Variants in NALF1 observed in about 807,000 individuals in gnomAD.
The protein encoded by NALF1 is family with sequence similarity 155 member A.
In NALF1, 3 loss-of-function variants were observed where a neutral mutation model predicts 48.4. The ratio of observed to expected loss-of-function variants is 0.06; its 90% CI spans 0.03 to 0.16. The LOEUF (loss-of-function observed/expected upper bound fraction) is 0.16, where lower values mean the gene tolerates loss of function less well. Ranked by LOEUF, NALF1 falls within the 10% of genes least tolerant of loss-of-function variation. The probability of loss-of-function intolerance (pLI) is 1.00; values close to 1 mark genes in which losing one functional copy is unlikely to be tolerated. For missense variants in NALF1, 526 were observed against 571.5 expected (o/e 0.92, Z 0.81); for synonymous variants, 262 against 245.7 (o/e 1.07, Z -0.62).
chr13:107,780,075 G>C (rs893573712), intron 1 of NALF1, among the ~76,000 whole-genome samples: 1 of 146,754 alleles, frequency 6.8e-6, no homozygotes, highest in Non-Finnish European at 1.5e-5. Flanking sequence ...TTGCTACTGC[G>C]GTTTTGTTGT....
intron 1 of NALF1, among the ~76,000 whole-genome samples, chr13:107,416,620 CAT>C (rs145622447): frequency 0.022 from 3,274 of 152,214 alleles, 113 homozygotes; most frequent in African/African-American, 0.074. Flanking sequence ...ACACACAAAA[CAT>C]GTGTTAATGG....
Position 107,867,327 on chromosome 13 carries a change from C to T in NALF1, c.-731G>A. 7.6e-6 allele frequency among the ~76,000 whole-genome samples: 1 copy of T among 132,024 alleles called. No homozygotes were observed. The highest frequency in any genetic ancestry group is 1.7e-5 in the Non-Finnish European group (1 of 60,238). The allele number at this position is 132,024 out of a possible 152,430, so 86.6% of individuals were successfully genotyped here. On this transcript the variant is annotated 5_prime_UTR_variant, in exon 1 of 3. Coordinates refer to ENST00000375915, the MANE Select transcript of NALF1 (RefSeq NM_001080396.3). The surrounding 1 kb of genome is among the most constrained non-coding windows in gnomAD (Gnocchi z 4.4). The stretch of plus-strand genomic sequence containing the variant: ...GCTGCCGCCGCCGCCGCCGCCGCCG[C>T]CGCTGCCGCAGGGCCGCCCGCGGGC...
At chr13:107,494,678 T>C (rs940467831) in intron 1 of NALF1, among the ~76,000 whole-genome samples, 1 of 152,210 alleles carries the variant, frequency 6.6e-6, no homozygotes, top group African/African-American at 2.4e-5. Flanking sequence ...ATCAAGGTGT[T>C]ATTAGTTTAA....
At chr13:107,251,564 G>T (rs376064398) in intron 1 of NALF1, among the ~76,000 whole-genome samples, 2 of 152,186 alleles carry the variant, frequency 1.3e-5, no homozygotes, top group African/African-American at 4.8e-5. Flanking sequence ...CTCGGAGACG[G>T]GTGGCAAGGA....
intron 1 of NALF1, among the ~76,000 whole-genome samples, chr13:107,695,301 T>C (rs1242508643): frequency 3.3e-5 from 5 of 152,230 alleles, no homozygotes; most frequent in Non-Finnish European, 7.3e-5. Flanking sequence ...ACAGTGATCA[T>C]TACTTTAGAT....
chr13:107,244,307 AC>A (rs1169095996), intron 1 of NALF1, among the ~76,000 whole-genome samples: 1 of 152,234 alleles, frequency 6.6e-6, no homozygotes. Flanking sequence ...TCAAAGAGGC[AC>A]ACCATTGATA....
In NALF1 at chr13:107,496,738, AAAAT is replaced by A. The variant is rs879322732; in HGVS notation, c.916-285987_916-285984del. Among the ~76,000 whole-genome samples the A allele has an allele frequency of 3.1e-3, 466 of 152,316 alleles. 3 individuals carry two copies. The highest frequency in any genetic ancestry group is 5.1e-3 in the Non-Finnish European group (344 of 68,018). On this transcript the variant is annotated intron_variant, in intron 1 of 2. Transcript: ENST00000375915. ...AGTTCCACATGGCTGGGGAAGCCTC[AAAAT>A]CATGGTGGAAGGCAAGGAGGAGCAA...
chr13:107,846,008 T>C (rs114261890), intron 1 of NALF1, among the ~76,000 whole-genome samples: 3,440 of 152,130 alleles, frequency 0.023, 78 homozygotes, highest in African/African-American at 0.058. Context: ...GTACCAATCA[T>C]AAGCAAAGCC....
intron 1 of NALF1, among the ~76,000 whole-genome samples, chr13:107,466,990 G>A (rs1183179266): frequency 6.6e-6 from 1 of 152,076 alleles, no homozygotes; most frequent in East Asian, 1.9e-4. Flanking sequence ...TTTCATTTAT[G>A]TATGTCCATT....
intron 1 of NALF1, among the ~76,000 whole-genome samples, chr13:107,283,730 G>A (rs1193222370): frequency 6.6e-6 from 1 of 151,774 alleles, no homozygotes; most frequent in Non-Finnish European, 1.5e-5. Context: ...CGCAAACTCG[G>A]TTCATTGCAA....
rs143318518 is a variant in NALF1 at position 107,190,866 on chromosome 13, T to C, written c.1087+19718A>G. 9.6e-3 allele frequency among the ~76,000 whole-genome samples: 1,469 copies of C among 152,302 alleles called. 19 individuals carry two copies. Among genetic ancestry groups the C allele is most frequent in the African/African-American group, 0.034 (1,403 of 41,562 alleles). On this transcript the variant is annotated intron_variant, in intron 2 of 2. Coordinates refer to ENST00000375915, the MANE Select transcript of NALF1 (RefSeq NM_001080396.3). ...CGAAAGCATTGGAAACAGGGACATC[T>C]CTGAGAGCAGAAAGGTAGAGTTTGG...
intron 1 of NALF1, among the ~76,000 whole-genome samples, chr13:107,296,946 A>C (rs1881738390): frequency 6.6e-6 from 1 of 152,148 alleles, no homozygotes; most frequent in Non-Finnish European, 1.5e-5. Context: ...AGCACAAGGT[A>C]TTCAGAAAAA....
intron 1 of NALF1, among the ~76,000 whole-genome samples, chr13:107,595,741 G>T (rs1202328959): frequency 6.6e-6 from 1 of 152,128 alleles, no homozygotes; most frequent in Non-Finnish European, 1.5e-5. Context: ...ATGGAAAAGT[G>T]AAAACTCAGA....
chr13:107,443,144 T>G lies in NALF1; in HGVS notation c.916-232389A>C, dbSNP rs563893856. On this transcript the variant is annotated intron_variant, in intron 1 of 2. Transcript: ENST00000375915. ...CAATAGTATCAGAAACATTACAACATAAATTTATTATTTATTTATCTAACA... is the reference window on the plus strand; with the variant it reads ...CAATAGTATCAGAAACATTACAACAGAAATTTATTATTTATTTATCTAACA... Among the ~76,000 whole-genome samples the G allele has an allele frequency of 2.6e-5, 4 of 151,862 alleles. No homozygotes were observed. The East Asian group carries it at 7.7e-4, about 29-fold the overall frequency.
rs143462588 is a variant in NALF1, at chr13:107,480,581, G to A, written c.916-269826C>T. ...TACTAACACTAATGACAGCTGATGAGTTAAAAACAAAATCCCCCCAAAAAG... is the reference window on the plus strand; with the variant it reads ...TACTAACACTAATGACAGCTGATGAATTAAAAACAAAATCCCCCCAAAAAG... On this transcript the variant is annotated intron_variant, in intron 1 of 2. Coordinates refer to ENST00000375915, the MANE Select transcript of NALF1 (RefSeq NM_001080396.3). Among the ~76,000 whole-genome samples, 496 of 152,190 alleles carry A rather than the reference G, an allele frequency of 3.3e-3. 4 individuals are homozygous for A. The highest frequency in any genetic ancestry group is 0.011 in the African/African-American group (474 of 41,524).
chr13:107,750,760 A>C (rs899139594), intron 1 of NALF1, among the ~76,000 whole-genome samples: 4 of 152,224 alleles, frequency 2.6e-5, no homozygotes, highest in Non-Finnish European at 2.9e-5. Flanking sequence ...AAATTGGAAA[A>C]TAAACTTCTT....
chr13:107,285,238 T>A (rs1208257573), intron 1 of NALF1, among the ~76,000 whole-genome samples: 1 of 152,208 alleles, frequency 6.6e-6, no homozygotes, highest in Non-Finnish European at 1.5e-5. Flanking sequence ...TAGTCCTGTA[T>A]AATACCTAAG....
intron 1 of NALF1, among the ~76,000 whole-genome samples, chr13:107,376,656 A>G (rs563044369): frequency 6.6e-6 from 1 of 152,342 alleles, no homozygotes; most frequent in South Asian, 2.1e-4. Context: ...CAGTATTTCC[A>G]AAGTAACTTA....
intron 1 of NALF1, among the ~76,000 whole-genome samples, chr13:107,854,868 C>CA (rs35071894): frequency 0.012 from 941 of 81,708 alleles, 21 homozygotes; most frequent in African/African-American, 0.024. Context: ...GGTTCCATCT[C>CA]AAAAAAAAAA....
Sources: allele counts gnomAD v4.1 joint callset (sites outside exome capture counted in the v4.1 genomes callset), GRCh38; gene constraint gnomAD v4.1.1; non-coding constraint Gnocchi (gnomAD v3.1); transcripts MANE v1.5; gene names NCBI Gene and HGNC (gene_info 2026-07-23, HGNC 2026-07-21).